GNAL: variants seen among roughly 807,000 people sequenced by gnomAD.
GNAL encodes guanine nucleotide-binding protein G(olf) subunit alpha.
In GNAL, 18 loss-of-function variants were observed where a neutral mutation model predicts 55.1. The observed-to-expected ratio is 0.33, with a 90% CI of 0.23 to 0.48. The LOEUF (loss-of-function observed/expected upper bound fraction) is 0.48. Among genes scored for constraint, GNAL ranks in the 20% least tolerant of loss-of-function variants. GNAL has a pLI of 0.99. For missense variants in GNAL, 412 were observed against 614.1 expected, an observed-to-expected ratio of 0.67 and a Z score of 3.48; for synonymous variants, 253 against 237.0, an observed-to-expected ratio of 1.07 and a Z score of -0.62.
At chr18:11,729,466 C>T (rs2032286298) in intron 1 of GNAL, among the ~76,000 whole-genome samples, 1 of 152,114 alleles carries the variant, frequency 6.6e-6, no homozygotes, top group Non-Finnish European at 1.5e-5. Flanking sequence ...ATTTAACGGT[C>T]GATTACAAGT....
At chr18:11,867,733 G>T (rs2143864570) in intron 8 of GNAL, among the ~76,000 whole-genome samples, 1 of 151,998 alleles carries the variant, frequency 6.6e-6, no homozygotes, top group South Asian at 2.1e-4. Context: ...AGAATGGCGT[G>T]AACCTGGGAG....
intron 4 of GNAL, among the ~76,000 whole-genome samples, chr18:11,820,752 G>A (rs992803908): frequency 3.9e-5 from 6 of 152,250 alleles, no homozygotes; most frequent in African/African-American, 7.2e-5. Flanking sequence ...AAGTAAATAT[G>A]TGGAATCATG....
chr18:11,775,013 C>T (rs997500971), intron 4 of GNAL, among the ~76,000 whole-genome samples: 2 of 152,242 alleles, frequency 1.3e-5, no homozygotes, highest in Non-Finnish European at 2.9e-5. Flanking sequence ...AGCACCTCTT[C>T]CTGCGGCAGA....
At chr18:11,737,214 C>T (rs539216622) in intron 1 of GNAL, among the ~76,000 whole-genome samples, 2 of 152,282 alleles carry the variant, frequency 1.3e-5, no homozygotes, top group South Asian at 4.1e-4. Context: ...TTAAAAAATA[C>T]ATTTTGTTAA....
intron 4 of GNAL, among the ~76,000 whole-genome samples, chr18:11,758,068 G>A (rs2033118892): frequency 6.6e-6 from 1 of 152,098 alleles, no homozygotes; most frequent in South Asian, 2.1e-4. Flanking sequence ...GAATGAAAAG[G>A]GCTGGAATCA....
intron 4 of GNAL, among the ~76,000 whole-genome samples, chr18:11,764,067 A>G (rs957010764): frequency 3.9e-5 from 6 of 152,116 alleles, no homozygotes; most frequent in Non-Finnish European, 5.9e-5. Context: ...AGTAAATTCC[A>G]GGAATGTTTT....
intron 9 of GNAL, among the ~76,000 whole-genome samples, chr18:11,869,887 C>T (rs142219677): frequency 6.6e-5 from 10 of 151,840 alleles, no homozygotes; most frequent in Non-Finnish European, 1.2e-4. Flanking sequence ...TCAGTCTGGG[C>T]GACAGAGGGA....
At chr18:11,700,247 A>T (rs149179141) in intron 1 of GNAL, among the ~76,000 whole-genome samples, 2 of 152,336 alleles carry the variant, frequency 1.3e-5, no homozygotes, top group Non-Finnish European at 2.9e-5. Context: ...ATAGCGGCCC[A>T]TTATTGAAAG....
intron 1 of GNAL, among the ~76,000 whole-genome samples, chr18:11,736,079 A>G (rs1344408855): frequency 6.6e-6 from 1 of 152,128 alleles, no homozygotes; most frequent in Non-Finnish European, 1.5e-5. Flanking sequence ...TTTTCTTCCC[A>G]CAGAGGGAGA....
chr18:11,832,272 C>T lies in GNAL; in HGVS notation c.722+7257C>T, dbSNP rs948298231. 9.2e-5 allele frequency among the ~76,000 whole-genome samples: 14 copies of T among 152,268 alleles called. No individual in the cohort carries two copies. In the East Asian group the frequency reaches 1.2e-3, roughly 13 times the overall value. ...TGCTCAGTACGACACATGATAAGCT[C>T]CTTTAGGGTACATCCATTTCAATAA... On this transcript the variant is annotated intron_variant, in intron 5 of 11. Transcript: ENST00000334049.
intron 1 of GNAL, among the ~76,000 whole-genome samples, chr18:11,693,130 T>C (rs890077192): frequency 6.1e-5 from 9 of 146,882 alleles, no homozygotes; most frequent in Non-Finnish European, 1.3e-4. Context: ...GATGTGATTA[T>C]ACAGTTGAAC....
rs1048386546 is a variant in GNAL, at chr18:11,754,321, G to T, written c.624+376G>T. Reference sequence around the variant, plus strand: ...AATCCCAGCTACTCAAGAGGCTGAGGCAGGGGAATTGCTTGATCGAGGGAG... The same window carrying T: ...AATCCCAGCTACTCAAGAGGCTGAGTCAGGGGAATTGCTTGATCGAGGGAG... On this transcript the variant is annotated intron_variant, in intron 4 of 11. Transcript: ENST00000334049. Among the ~76,000 whole-genome samples, 9 of 151,964 alleles carry T rather than the reference G, an allele frequency of 5.9e-5. No individual in the cohort carries two copies. In the East Asian group the frequency reaches 1.5e-3, roughly 26 times the overall value.
intron 4 of GNAL, among the ~76,000 whole-genome samples, chr18:11,807,291 T>C (rs1257739824): frequency 1.3e-5 from 2 of 152,208 alleles, no homozygotes; most frequent in Admixed American, 6.5e-5. Flanking sequence ...CGATTTGACT[T>C]ATGGTTTCAA....
chr18:11,879,947 G>A (rs538713352), intron 11 of GNAL, among the ~76,000 whole-genome samples: 10 of 152,328 alleles, frequency 6.6e-5, no homozygotes, highest in Admixed American at 6.5e-4. Flanking sequence ...GAACCACTGG[G>A]CACATATGGA....
chr18:11,771,402 A>T (rs2033631488), intron 4 of GNAL, among the ~76,000 whole-genome samples: 1 of 152,140 alleles, frequency 6.6e-6, no homozygotes, highest in African/African-American at 2.4e-5. Context: ...TCAGTTTTAT[A>T]TGAACAGGCA....
chr18:11,810,121 C>T (rs1385205522), intron 4 of GNAL, among the ~76,000 whole-genome samples: 125 of 152,206 alleles, frequency 8.2e-4, no homozygotes, highest in Admixed American at 2.0e-4. Flanking sequence ...CTGGGCAGGG[C>T]GGCTCACGCC....
At chr18:11,744,533 A>G (rs1027756249) in intron 1 of GNAL, among the ~76,000 whole-genome samples, 14 of 152,190 alleles carry the variant, frequency 9.2e-5, no homozygotes, top group African/African-American at 2.9e-4. Flanking sequence ...GAGAGATAAA[A>G]CAACAGGAAG....
rs546589793 is a variant in GNAL at position 11,818,074 on chromosome 18, A to G, written c.625-6844A>G. Among the ~76,000 whole-genome samples the G allele has an allele frequency of 2.1e-3, 325 of 151,920 alleles. 2 individuals carry two copies. Among genetic ancestry groups the G allele is most frequent in the African/African-American group, 7.6e-3 (315 of 41,474 alleles). On this transcript the variant is annotated intron_variant, in intron 4 of 11. Transcript: ENST00000334049. ...CCATCTGTACTAAAAATTAAAAAAA[A>G]AAAAAAAAATTAGCCGGGTGTGGTG...
intron 5 of GNAL, among the ~76,000 whole-genome samples, chr18:11,839,209 GCTCT>G (rs1408142067): frequency 1.3e-5 from 2 of 151,886 alleles, no homozygotes; most frequent in East Asian, 3.9e-4. Flanking sequence ...TTCTTTTTCT[GCTCT>G]CTCTACCATT....
Sources: allele counts gnomAD v4.1 joint callset (sites outside exome capture counted in the v4.1 genomes callset), GRCh38; gene constraint gnomAD v4.1.1; transcripts MANE v1.5; gene names NCBI Gene and HGNC (gene_info 2026-07-23, HGNC 2026-07-21).